The following IGSF10 variants were observed in gnomAD, a reference collection of about 807,000 sequenced individuals.
The protein encoded by IGSF10 is immunoglobulin superfamily member 10, also known as calvaria mechanical force protein 608.
A neutral mutation model predicts 128.2 loss-of-function variants in IGSF10; 126 were observed. The observed-to-expected ratio is 0.98, with a 90% CI of 0.85 to 1.14. The LOEUF (loss-of-function observed/expected upper bound fraction) is 1.14. Ranked by LOEUF, IGSF10 falls within the 50% of genes most tolerant of loss-of-function variation. The probability of loss-of-function intolerance (pLI) is 0.00; values close to 1 mark genes in which losing one functional copy is unlikely to be tolerated. For missense variants in IGSF10, 3,295 were observed against 3,149.8 expected, an observed-to-expected ratio of 1.05 and a Z score of -1.10; for synonymous variants, 1,185 against 1,146.2, an observed-to-expected ratio of 1.03 and a Z score of -0.68.
the IGSF10 span, among the ~76,000 whole-genome samples, chr3:151,508,660 T>C: frequency 1.7e-4 from 26 of 152,212 alleles, no homozygotes; most frequent in African/African-American, 6.0e-4. Flanking sequence ...TGAAAAGCTT[T>C]ACAAAATCAA....
At chr3:151,594,293 G>C in the IGSF10 span, among the ~76,000 whole-genome samples, 1 of 149,370 alleles carries the variant, frequency 6.7e-6, no homozygotes, top group African/African-American at 2.5e-5. Flanking sequence ...TAAGAGAGCT[G>C]TGAATAAAGA....
the IGSF10 span, among the ~76,000 whole-genome samples, chr3:151,469,611 C>A: frequency 6.6e-6 from 1 of 152,228 alleles, no homozygotes; most frequent in East Asian, 1.9e-4. Context: ...CCTGATCTCT[C>A]AAAAATACTT....
the IGSF10 span, among the ~76,000 whole-genome samples, chr3:151,517,534 A>G: frequency 1.3e-5 from 2 of 151,992 alleles, no homozygotes; most frequent in Non-Finnish European, 2.9e-5. Context: ...TCAACTGAAA[A>G]GAGTCAAAAG....
chr3:151,499,652 C>T, the IGSF10 span: 6 of 152,112 alleles, frequency 3.9e-5, no homozygotes, highest in African/African-American at 1.4e-4. Flanking sequence ...TCCAGGACCC[C>T]ACCAGAGGAC....
At chr3:151,484,143 G>C in the IGSF10 span, among the ~76,000 whole-genome samples, 4 of 152,210 alleles carry the variant, frequency 2.6e-5, no homozygotes, top group Admixed American at 1.3e-4. Flanking sequence ...GCTGAGGCTT[G>C]ATAGGCGGTT....
upstream of IGSF10, among the ~76,000 whole-genome samples, chr3:151,462,318 G>A (rs996159849): frequency 8.5e-5 from 13 of 152,086 alleles, no homozygotes; most frequent in African/African-American, 3.1e-4. Flanking sequence ...AAAAATTTGC[G>A]GGATCCATCC....
At chr3:151,557,354 G>T in the IGSF10 span, among the ~76,000 whole-genome samples, 11 of 152,230 alleles carry the variant, frequency 7.2e-5, no homozygotes, top group African/African-American at 2.6e-4. Flanking sequence ...CTGGCCTCTG[G>T]TGTGGTGCCA....
chr3:151,570,028 T>C, the IGSF10 span, among the ~76,000 whole-genome samples: 4 of 152,218 alleles, frequency 2.6e-5, no homozygotes, highest in Admixed American at 2.6e-4. Flanking sequence ...AATGATGGTT[T>C]CTAGCTTCAT....
chr3:151,493,116 G>GA, the IGSF10 span, among the ~76,000 whole-genome samples: 2 of 151,902 alleles, frequency 1.3e-5, no homozygotes, highest in Non-Finnish European at 2.9e-5. Context: ...ATATTTTGGG[G>GA]AAAAAAAGGT....
the IGSF10 span, among the ~76,000 whole-genome samples, chr3:151,544,938 T>G: frequency 6.6e-6 from 1 of 152,130 alleles, no homozygotes; most frequent in Non-Finnish European, 1.5e-5. Context: ...TTTCTTAATT[T>G]TTAAATTTTC....
the IGSF10 span, among the ~76,000 whole-genome samples, chr3:151,483,922 C>T: frequency 6.6e-6 from 1 of 152,154 alleles, no homozygotes; most frequent in Admixed American, 6.5e-5. Flanking sequence ...TTTATATACC[C>T]CAGTGGCACC....
chr3:151,601,939 C>G, the IGSF10 span, among the ~76,000 whole-genome samples: 1 of 152,118 alleles, frequency 6.6e-6, no homozygotes, highest in Non-Finnish European at 1.5e-5. Context: ...AATGTCCTCA[C>G]AAGTATGCTT....
chr3:151,512,965 A>G, the IGSF10 span, among the ~76,000 whole-genome samples: 10 of 152,236 alleles, frequency 6.6e-5, no homozygotes, highest in Admixed American at 6.5e-4. Flanking sequence ...AATTGAGGCA[A>G]TAATTAATAG....
At chr3:151,482,108 C>T in the IGSF10 span, among the ~76,000 whole-genome samples, 5 of 152,130 alleles carry the variant, frequency 3.3e-5, no homozygotes, top group East Asian at 1.9e-4. Flanking sequence ...CAGAGACATA[C>T]GTATCAATGC....
chr3:151,505,858 G>C, the IGSF10 span, among the ~76,000 whole-genome samples: 6 of 152,158 alleles, frequency 3.9e-5, no homozygotes, highest in African/African-American at 1.4e-4. Context: ...GGCTTAATTA[G>C]TGTTCCATCC....
the IGSF10 span, among the ~76,000 whole-genome samples, chr3:151,578,712 G>A: frequency 2.0e-5 from 3 of 152,182 alleles, no homozygotes; most frequent in Non-Finnish European, 4.4e-5. Context: ...ACTAGGGGCA[G>A]GACAACAAAT....
chr3:151,478,855 GATAAA>G, the IGSF10 span, among the ~76,000 whole-genome samples: 101 of 152,292 alleles, frequency 6.6e-4, no homozygotes, highest in South Asian at 6.2e-3. Context: ...CTTTGGATAA[GATAAA>G]ATAAAAGACT....
rs186448515 is a variant in IGSF10, at chr3:151,441,626, T to C, written c.5963+1358A>G. ...TTTTCTATTAATGAATAAACAGATA[T>C]ATAAGATGGAAATTCTCATCCTCAT... On this transcript the variant is annotated intron_variant, in intron 7 of 7. Transcript: ENST00000282466. Among the ~76,000 whole-genome samples, 45 of 152,306 alleles carry C rather than the reference T, an allele frequency of 3.0e-4. No homozygotes were observed. In the East Asian group the frequency reaches 7.5e-3, roughly 25 times the overall value.
chr3:151,531,046 C>G, the IGSF10 span, among the ~76,000 whole-genome samples: 1 of 152,018 alleles, frequency 6.6e-6, no homozygotes, highest in South Asian at 2.1e-4. Context: ...ATCCTAGTAT[C>G]TGATAAAACA....
Sources: gnomAD v4.1 joint callset for allele counts (sites outside exome capture counted in the v4.1 genomes callset) on GRCh38, gnomAD v4.1.1 for gene constraint, MANE v1.5 for transcripts, NCBI Gene and HGNC (gene_info 2026-07-23, HGNC 2026-07-21) for gene names.